Variants in PPHLN1 observed in about 807,000 individuals in gnomAD.
PPHLN1 encodes the protein periphilin-1.
PPHLN1 carries 29 observed loss-of-function variants against 51.3 expected under a neutral mutation model. The observed-to-expected ratio is 0.57, with a 90% CI of 0.42 to 0.77. The LOEUF is 0.77. Among genes scored for constraint, PPHLN1 ranks in the 30% least tolerant of loss-of-function variants. PPHLN1 has a pLI of 0.00. For missense variants in PPHLN1, 436 were observed against 438.4 expected, an observed-to-expected ratio of 0.99 and a Z score of 0.05; for synonymous variants, 147 against 147.8, an observed-to-expected ratio of 0.99 and a Z score of 0.04.
intron 4 of PPHLN1, among the ~76,000 whole-genome samples, chr12:42,364,881 C>T (rs972371390): frequency 6.6e-6 from 1 of 152,194 alleles, no homozygotes; most frequent in African/African-American, 2.4e-5. Context: ...CGTGCTGTTG[C>T]ACCCCAGCGT....
intron 9 of PPHLN1, 47 bp from the exon 10 acceptor site, chr12:42,441,268 C>G: frequency 6.5e-7 from 1 of 1,537,428 alleles, no homozygotes; most frequent in South Asian, 1.3e-5. Context: ...AAGTATTTGG[C>G]TAGTTATTTT....
At chr12:42,399,088 C>T in intron 9 of PPHLN1, 94 bp downstream of exon 9, 1 of 1,501,684 alleles carries the variant, frequency 6.7e-7, no homozygotes, top group Non-Finnish European at 8.9e-7. Flanking sequence ...ATTTCTTTTT[C>T]CACCTGTAAC....
intron 3 of PPHLN1, among the ~76,000 whole-genome samples, chr12:42,352,682 C>T (rs1330381956): frequency 2.6e-5 from 4 of 151,794 alleles, no homozygotes; most frequent in Non-Finnish European, 4.4e-5. Context: ...GGAGGCCCAC[C>T]TTGGCCTCCC....
At chr12:42,433,422 A>G (rs1261238120) in intron 9 of PPHLN1, 1 of 307,938 alleles carries the variant, frequency 3.2e-6, no homozygotes. Flanking sequence ...TCCCGGGTTC[A>G]TGCCATTCTC....
chr12:42,361,010 T>A (rs1421559359), intron 4 of PPHLN1, among the ~76,000 whole-genome samples: 1 of 152,178 alleles, frequency 6.6e-6, no homozygotes, highest in Non-Finnish European at 1.5e-5. Flanking sequence ...CCACTGATGG[T>A]TTTGCCTGAG....
At chr12:42,353,503 T>C (rs2073663951) in intron 3 of PPHLN1, among the ~76,000 whole-genome samples, 1 of 152,230 alleles carries the variant, frequency 6.6e-6, no homozygotes, top group Non-Finnish European at 1.5e-5. Flanking sequence ...AAAGTTGTAA[T>C]GAGACTATTC....
At chr12:42,387,395 A>G in intron 6 of PPHLN1, 61 bp from the exon 7 acceptor site, 1 of 1,534,608 alleles carries the variant, frequency 6.5e-7, no homozygotes, top group Non-Finnish European at 8.8e-7. Flanking sequence ...CCATTACAAA[A>G]TTACTTTATC....
chr12:42,371,129 T>G (rs1011956769), intron 4 of PPHLN1, among the ~76,000 whole-genome samples: 16 of 142,318 alleles, frequency 1.1e-4, no homozygotes, highest in African/African-American at 4.0e-4. Context: ...TTTTTTTTTT[T>G]TTTTTTTTTG....
intron 9 of PPHLN1, among the ~76,000 whole-genome samples, chr12:42,403,233 C>G (rs900592823): frequency 1.6e-4 from 24 of 152,282 alleles, no homozygotes; most frequent in Non-Finnish European, 3.4e-4. Context: ...ACTATCTTGT[C>G]TAGACATCAA....
intron 4 of PPHLN1, among the ~76,000 whole-genome samples, chr12:42,364,476 TA>T (rs1251532446): frequency 6.6e-6 from 1 of 151,782 alleles, no homozygotes; most frequent in Admixed American, 6.6e-5. Flanking sequence ...CAAAAAAAAT[TA>T]AAAAATAAGT....
At chr12:42,356,966 G>C (rs1205179538) in intron 4 of PPHLN1, among the ~76,000 whole-genome samples, 2 of 152,140 alleles carry the variant, frequency 1.3e-5, no homozygotes, top group East Asian at 3.9e-4. Context: ...TATGAAATTA[G>C]CAAGGTCCAA....
intron 9 of PPHLN1, among the ~76,000 whole-genome samples, chr12:42,424,918 G>A (rs1304760641): frequency 4.6e-5 from 7 of 152,008 alleles, no homozygotes; most frequent in South Asian, 2.1e-4. Context: ...ATAATAACAC[G>A]TGTAGTAACA....
At chr12:42,408,784 G>A (rs1283211304) in intron 9 of PPHLN1, among the ~76,000 whole-genome samples, 2 of 152,116 alleles carry the variant, frequency 1.3e-5, no homozygotes, top group African/African-American at 4.8e-5. Flanking sequence ...TTGTGGATTA[G>A]CCTGGGATCT....
intron 3 of PPHLN1, among the ~76,000 whole-genome samples, chr12:42,353,397 C>T (rs3950231): frequency 0.16 from 24,746 of 152,108 alleles, 2,066 homozygotes; most frequent in Admixed American, 0.2. Flanking sequence ...ATACTTTACG[C>T]TTGAAGAAAT....
chr12:42,384,323 C>G (rs2077014833), intron 5 of PPHLN1, among the ~76,000 whole-genome samples: 1 of 151,902 alleles, frequency 6.6e-6, no homozygotes, highest in Admixed American at 6.6e-5. Context: ...GAGTTTGTAT[C>G]TTACTGGAAA....
chr12:42,441,216 C>A (rs972106620), intron 9 of PPHLN1, 99 bp from the exon 10 acceptor site: 1 of 1,426,538 alleles, frequency 7.0e-7, no homozygotes, highest in African/African-American at 1.4e-5. Flanking sequence ...TTGTGTCTCT[C>A]TTTTAGATGT....
At chr12:42,378,492 CGT>C (rs2076495047) in intron 5 of PPHLN1, among the ~76,000 whole-genome samples, 1 of 151,066 alleles carries the variant, frequency 6.6e-6, no homozygotes, top group Non-Finnish European at 1.5e-5. Flanking sequence ...TAATTAGCCA[CGT>C]GTTAAAATTA....
intron 3 of PPHLN1, among the ~76,000 whole-genome samples, chr12:42,353,396 G>C (rs894312224): frequency 3.9e-5 from 6 of 152,014 alleles, no homozygotes; most frequent in Non-Finnish European, 5.9e-5. Context: ...CATACTTTAC[G>C]CTTGAAGAAA....
intron 9 of PPHLN1, among the ~76,000 whole-genome samples, chr12:42,424,566 A>G (rs577405345): frequency 1.3e-5 from 2 of 152,314 alleles, no homozygotes; most frequent in South Asian, 4.1e-4. Context: ...CATATAATGT[A>G]AATACAGCTT....
Sources: gnomAD v4.1 joint callset for allele counts (sites outside exome capture counted in the v4.1 genomes callset) on GRCh38, gnomAD v4.1.1 for gene constraint, MANE v1.5 for transcripts, NCBI Gene and HGNC (gene_info 2026-07-23, HGNC 2026-07-21) for gene names.